Variants in CACNA1C observed in about 807,000 individuals in gnomAD.
CACNA1C encodes calcium voltage-gated channel subunit alpha1 C, also known as voltage-dependent L-type calcium channel subunit alpha-1C.
In CACNA1C, 30 loss-of-function variants were observed where a neutral mutation model predicts 229.0. The observed-to-expected ratio is 0.13, with a 90% CI of 0.10 to 0.18. The LOEUF (loss-of-function observed/expected upper bound fraction) is 0.18, where lower values mean the gene tolerates loss of function less well. CACNA1C is among the 10% of genes least tolerant of loss of function. The pLI is 1.00. For synonymous variants in CACNA1C, 1,114 were observed against 1,132.5 expected, an observed-to-expected ratio of 0.98 and a Z score of 0.33; for missense variants, 1,658 against 2,845.0, an observed-to-expected ratio of 0.58 and a Z score of 9.49.
Position 2,053,002 on chromosome 12 carries a change from C to T in CACNA1C, c.-561C>T, listed in dbSNP as rs2052736544. On this transcript the variant is annotated 5_prime_UTR_variant, in exon 1 of 47. Coordinates refer to ENST00000399655, the MANE Select transcript of CACNA1C (RefSeq NM_000719.7). This position sits in a 1 kb window ranked among gnomAD's most constrained non-coding sequence, Gnocchi z 5.8. The stretch of plus-strand genomic sequence containing the variant: ...CGCGCCCGGTGTCTCCCTCTCGCTG[C>T]CTCTGCAGAAACAGCTCCTGCCAGA... The T allele has an allele frequency of 2.0e-6, 2 of 983,968 alleles. No individual in the cohort carries two copies. Among genetic ancestry groups the T allele is most frequent in the Admixed American group, 6.2e-5 (1 of 16,170 alleles). The allele number at this position is 983,968 out of a possible 1,614,324, so 61.0% of individuals were successfully genotyped here. A position where few individuals can be genotyped will look rare whatever the true frequency, so the allele number is the denominator to read the frequency against.
intron 42 of CACNA1C, among the ~76,000 whole-genome samples, chr12:2,682,226 CA>C (rs1253391009): frequency 6.6e-6 from 1 of 152,162 alleles, no homozygotes; most frequent in Non-Finnish European, 1.5e-5. Context: ...TATGTCATTC[CA>C]ATTTCATAGG....
Position 2,695,008 on chromosome 12 carries a change from T to C in CACNA1C, c.*3809T>C, listed in dbSNP as rs1490113087. ...GAGGCCAAGAATTGAAATATCATTGTCAAGGATTAGAAACAATTCAGCAAA... is the reference window on the plus strand; with the variant it reads ...GAGGCCAAGAATTGAAATATCATTGCCAAGGATTAGAAACAATTCAGCAAA... On this transcript the variant is annotated 3_prime_UTR_variant, in exon 47 of 47. Transcript: ENST00000399655. 6.6e-6 allele frequency: 1 copy of C among 152,160 alleles called. No homozygotes were observed. The highest frequency in any genetic ancestry group is 1.5e-5 in the Non-Finnish European group (1 of 68,040). The allele number at this position is 152,160 out of a possible 1,614,324, so 9.4% of individuals were successfully genotyped here. A position where few individuals can be genotyped will look rare whatever the true frequency, so the allele number is the denominator to read the frequency against.
intron 29 of CACNA1C, among the ~76,000 whole-genome samples, chr12:2,626,294 G>T (rs2086487520): frequency 6.6e-6 from 1 of 152,216 alleles, no homozygotes; most frequent in Non-Finnish European, 1.5e-5. Flanking sequence ...GACAGGATGG[G>T]CTGTGGGAGC....
rs1351523023 is a variant in CACNA1C at position 2,621,484 on chromosome 12, G to A, written c.3828+9471G>A. On this transcript the variant is annotated intron_variant, in intron 29 of 46. Coordinates refer to ENST00000399655, the MANE Select transcript of CACNA1C (RefSeq NM_000719.7). ...GCCCTTCAGGATCACGGTGAGGGGT[G>A]TGCACTTCCTCTGACTGTCCTTGGA... Among the ~76,000 whole-genome samples, 3 of 152,230 alleles carry A rather than the reference G, an allele frequency of 2.0e-5. No homozygotes were observed. The East Asian group carries it at 5.8e-4, about 29-fold the overall frequency.
intron 9 of CACNA1C, among the ~76,000 whole-genome samples, chr12:2,523,065 G>C (rs1334488970): frequency 7.7e-6 from 1 of 129,826 alleles, no homozygotes; most frequent in Non-Finnish European, 1.6e-5. Flanking sequence ...ATTTTCCTTG[G>C]TTGTTGCATT....
intron 3 of CACNA1C, among the ~76,000 whole-genome samples, chr12:2,155,118 TAC>T (rs2095491904): frequency 6.6e-6 from 1 of 152,082 alleles, no homozygotes; most frequent in Non-Finnish European, 1.5e-5. Context: ...GGCGCACACA[TAC>T]ACAGAGGCGT....
intron 1 of CACNA1C, among the ~76,000 whole-genome samples, chr12:2,102,622 A>G (rs566489609): frequency 2.0e-5 from 3 of 152,208 alleles, no homozygotes; most frequent in East Asian, 3.9e-4. Context: ...TCTGGGGTAC[A>G]TGTGCAGAAT....
chr12:2,005,486 T>C (rs775400211), intron 1 of CACNA1C, among the ~76,000 whole-genome samples: 1 of 152,258 alleles, frequency 6.6e-6, no homozygotes, highest in African/African-American at 2.4e-5. Flanking sequence ...AAAGTGTGCC[T>C]GTCACTTTCA....
rs577596246 is a variant in CACNA1C at position 2,162,302 on chromosome 12, C to T, written c.477+41872C>T. On this transcript the variant is annotated intron_variant, in intron 3 of 46. Coordinates refer to ENST00000399655, the MANE Select transcript of CACNA1C (RefSeq NM_000719.7). Reference sequence around the variant, plus strand: ...CTGTCCCCTCCCGCTGAACCTAAACCGCTCTGAGGAGCAGCTCTCCAGCCA... The same window carrying T: ...CTGTCCCCTCCCGCTGAACCTAAACTGCTCTGAGGAGCAGCTCTCCAGCCA... 4.6e-5 allele frequency among the ~76,000 whole-genome samples: 7 copies of T among 151,976 alleles called. No individual in the cohort carries two copies. The South Asian group carries it at 6.2e-4, about 14-fold the overall frequency.
intron 1 of CACNA1C, among the ~76,000 whole-genome samples, chr12:2,091,780 G>A (rs189840115): frequency 2.0e-5 from 3 of 152,336 alleles, no homozygotes; most frequent in African/African-American, 4.8e-5. Flanking sequence ...AGGGGTAAGA[G>A]CATCTTTTGT....
At chr12:2,622,528 A>G (rs1351402726) in intron 29 of CACNA1C, among the ~76,000 whole-genome samples, 1 of 152,124 alleles carries the variant, frequency 6.6e-6, no homozygotes, top group Non-Finnish European at 1.5e-5. Context: ...CTTGCTGGAC[A>G]TGTTTGCGAC....
At chr12:2,452,921 G>A (rs2099391607) in intron 4 of CACNA1C, among the ~76,000 whole-genome samples, 2 of 152,162 alleles carry the variant, frequency 1.3e-5, no homozygotes, top group Admixed American at 1.3e-4. Flanking sequence ...AGGCTTCAGT[G>A]GAAAGAACAT....
rs59055471 is a variant in CACNA1C, at chr12:2,226,125, GCACACACACACACA to G, written c.477+105730_477+105743del. 6.1e-3 allele frequency among the ~76,000 whole-genome samples: 866 copies of G among 142,866 alleles called. 11 individuals are homozygous for G. The highest frequency in any genetic ancestry group is 0.02 in the African/African-American group (772 of 38,474). 93.7% of individuals were successfully genotyped at this position (142,866 alleles called of 152,430 possible). ...GTATGCCGCTTGGATATGGGGACGCGCACACACACACACACACACACACACACACACACACACAC... is the reference window on the plus strand; with the variant it reads ...GTATGCCGCTTGGATATGGGGACGCGCACACACACACACACACACACACAC... On this transcript the variant is annotated intron_variant, in intron 3 of 46. Transcript: ENST00000399655.
intron 3 of CACNA1C, among the ~76,000 whole-genome samples, chr12:2,128,426 T>C (rs2091010490): frequency 6.6e-6 from 1 of 151,976 alleles, no homozygotes; most frequent in Non-Finnish European, 1.5e-5. Context: ...TTACCTTTTT[T>C]TTGAGACAGA....
intron 3 of CACNA1C, among the ~76,000 whole-genome samples, chr12:2,234,853 C>G (rs1019182836): frequency 2.0e-5 from 3 of 152,068 alleles, no homozygotes; most frequent in African/African-American, 7.2e-5. Flanking sequence ...GAAGATCCCT[C>G]CCAGGAGCTT....
intron 3 of CACNA1C, among the ~76,000 whole-genome samples, chr12:2,177,511 C>G (rs2096682153): frequency 6.6e-6 from 1 of 150,576 alleles, no homozygotes; most frequent in Non-Finnish European, 1.5e-5. Context: ...CCCTCCCTCT[C>G]TCTTTCTTCC....
chr12:2,345,947 A>T (rs568816392), intron 3 of CACNA1C, among the ~76,000 whole-genome samples: 1 of 152,242 alleles, frequency 6.6e-6, no homozygotes, highest in African/African-American at 2.4e-5. Flanking sequence ...CCTCCTCAGG[A>T]CCCTGCCTGG....
chr12:2,050,266 G>A (rs1249066047), upstream of CACNA1C, among the ~76,000 whole-genome samples: 1 of 152,190 alleles, frequency 6.6e-6, no homozygotes, highest in Admixed American at 6.5e-5. Flanking sequence ...ATATGCCTGG[G>A]CTAAGTCCAG....
intron 37 of CACNA1C, among the ~76,000 whole-genome samples, chr12:2,667,796 G>C (rs1436798971): frequency 6.6e-6 from 1 of 152,120 alleles, no homozygotes; most frequent in African/African-American, 2.4e-5. Flanking sequence ...GGTCACTCAG[G>C]AGAAGTGTAA....
Sources: allele counts gnomAD v4.1 joint callset (sites outside exome capture counted in the v4.1 genomes callset), GRCh38; gene constraint gnomAD v4.1.1; non-coding constraint Gnocchi (gnomAD v3.1); transcripts MANE v1.5; gene names NCBI Gene and HGNC (gene_info 2026-07-23, HGNC 2026-07-21).